Variants in RAB3GAP1 observed in about 807,000 individuals in gnomAD.
The protein encoded by RAB3GAP1 is RAB3 GTPase activating protein catalytic subunit 1, also known as rab3 GTPase-activating protein catalytic subunit.
A neutral mutation model predicts 130.7 loss-of-function variants in RAB3GAP1; 86 were observed. That is an observed-to-expected ratio of 0.66 (90% CI 0.55 to 0.79). The LOEUF is 0.79. Ranked by LOEUF, RAB3GAP1 falls within the 30% of genes least tolerant of loss-of-function variation. RAB3GAP1 has a pLI of 0.00. For synonymous variants in RAB3GAP1, 367 were observed against 401.7 expected (o/e 0.91, Z 1.03); for missense variants, 1,029 against 1,169.4 (o/e 0.88, Z 1.75).
At chr2:135,108,938 C>CT (rs1452873391) in intron 5 of RAB3GAP1, among the ~76,000 whole-genome samples, 1 of 152,142 alleles carries the variant, frequency 6.6e-6, no homozygotes, top group East Asian at 1.9e-4. Context: ...GTTGAAAAGA[C>CT]TATCTCCATT....
intron 3 of RAB3GAP1, among the ~76,000 whole-genome samples, chr2:135,086,002 A>G (rs945590167): frequency 2.0e-5 from 3 of 152,184 alleles, no homozygotes; most frequent in Non-Finnish European, 4.4e-5. Flanking sequence ...CTTTTTATAG[A>G]TAGACTCATA....
At chr2:135,066,533 C>T (rs977972864) in intron 3 of RAB3GAP1, among the ~76,000 whole-genome samples, 11 of 152,128 alleles carry the variant, frequency 7.2e-5, no homozygotes, top group Admixed American at 1.3e-4. Context: ...TTGGTATAAG[C>T]GGGATTAAAC....
Position 135,169,433 on chromosome 2 carries a change from A to G in RAB3GAP1, c.*652A>G, listed in dbSNP as rs1447868025. ...TTACTTCTGATAAAACTATATATCA[A>G]ATGTCACTGCAAATTAGTTTTATAT... is the stretch of plus-strand genomic sequence containing the variant. On this transcript the variant is annotated 3_prime_UTR_variant, in exon 24 of 24. Transcript: ENST00000264158. 7 of 182,012 alleles carry G rather than the reference A, an allele frequency of 3.8e-5. No homozygotes were observed. The highest frequency in any genetic ancestry group is 1.1e-4 in the Admixed American group (2 of 17,600). 11.3% of individuals were successfully genotyped at this position (182,012 alleles called of 1,614,324 possible).
At chr2:135,101,272 T>G (rs1690440875) in intron 5 of RAB3GAP1, among the ~76,000 whole-genome samples, 1 of 152,216 alleles carries the variant, frequency 6.6e-6, no homozygotes, top group Admixed American at 6.5e-5. Context: ...TTGTAATGCT[T>G]CAGAGATACT....
chr2:135,151,573 A>T (rs1302475105), intron 18 of RAB3GAP1, among the ~76,000 whole-genome samples: 2 of 152,198 alleles, frequency 1.3e-5, no homozygotes, highest in African/African-American at 4.8e-5. Context: ...TAAGAGCTAT[A>T]TGTTTTCCTT....
In RAB3GAP1 at chr2:135,129,878, T is replaced by C. The variant is rs183401555; in HGVS notation, c.974-117T>C. ...TTTTTTCAATGGAAAAACTGAATGGTTTTACTTTCTACCATATCTTAGTTA... is the reference window on the plus strand; with the variant it reads ...TTTTTTCAATGGAAAAACTGAATGGCTTTACTTTCTACCATATCTTAGTTA... On this transcript the variant is annotated intron_variant, in intron 11 of 23. Coordinates refer to ENST00000264158, the MANE Select transcript of RAB3GAP1 (RefSeq NM_012233.3). 2.2e-5 allele frequency: 16 copies of C among 724,146 alleles called. No homozygotes were observed. The Middle Eastern group carries it at 1.1e-3, about 52-fold the overall frequency. 44.9% of individuals were successfully genotyped at this position (724,146 alleles called of 1,614,324 possible). A position where few individuals can be genotyped will look rare whatever the true frequency, so the allele number is the denominator to read the frequency against.
At chr2:135,073,299 T>C (rs901132539) in intron 3 of RAB3GAP1, among the ~76,000 whole-genome samples, 8 of 152,226 alleles carry the variant, frequency 5.3e-5, no homozygotes, top group Admixed American at 5.2e-4. Flanking sequence ...AGGAGATTAG[T>C]ACAGAGTAGG....
At chr2:135,080,769 A>G (rs902321595) in intron 3 of RAB3GAP1, among the ~76,000 whole-genome samples, 5 of 152,184 alleles carry the variant, frequency 3.3e-5, no homozygotes, top group Non-Finnish European at 7.3e-5. Flanking sequence ...AAGAAGGACT[A>G]TCTCAAGTTC....
At chr2:135,081,327 A>AATATATATATATAT (rs1214688390) in intron 3 of RAB3GAP1, among the ~76,000 whole-genome samples, 23 of 64,042 alleles carry the variant, frequency 3.6e-4, no homozygotes, top group East Asian at 2.1e-3. Context: ...AAAAAAAAAA[A>AATATATATATATAT]ATATATATAT....
intron 7 of RAB3GAP1, 131 bp from the exon 8 acceptor site, chr2:135,120,688 A>C (rs966516937): frequency 1.3e-6 from 1 of 761,812 alleles, no homozygotes; most frequent in Non-Finnish European, 2.4e-6. Context: ...ATTGTTTAAC[A>C]CTAGAATCTG....
At chr2:135,137,340 T>C (rs1691704924) in intron 17 of RAB3GAP1, 3 of 205,396 alleles carry the variant, frequency 1.5e-5, no homozygotes, top group Non-Finnish European at 3.0e-5. Context: ...ACCAGGCAGA[T>C]CCACCACCTA....
At chr2:135,081,327 A>ATAT (rs1553440432) in intron 3 of RAB3GAP1, among the ~76,000 whole-genome samples, 5 of 64,038 alleles carry the variant, frequency 7.8e-5, no homozygotes, top group Admixed American at 2.8e-4. Flanking sequence ...AAAAAAAAAA[A>ATAT]ATATATATAT....
intron 2 of RAB3GAP1, among the ~76,000 whole-genome samples, chr2:135,053,881 T>C (rs1201554487): frequency 6.6e-6 from 1 of 152,166 alleles, no homozygotes; most frequent in Admixed American, 6.5e-5. Context: ...GTTGGAGATA[T>C]TTTCATAGAA....
At chr2:135,085,859 C>T (rs148818241) in intron 3 of RAB3GAP1, among the ~76,000 whole-genome samples, 14 of 151,914 alleles carry the variant, frequency 9.2e-5, no homozygotes, top group African/African-American at 3.4e-4. Flanking sequence ...ATGTATATAC[C>T]CATGTTACCA....
intron 24 of RAB3GAP1, chr2:135,175,719 C>A (rs979757285): frequency 6.6e-6 from 1 of 152,148 alleles, no homozygotes; most frequent in Non-Finnish European, 1.5e-5. Flanking sequence ...CTTCTCAGGA[C>A]AGAACTTGGC....
At chr2:135,149,904 G>A (rs147267268) in intron 17 of RAB3GAP1, among the ~76,000 whole-genome samples, 3 of 152,230 alleles carry the variant, frequency 2.0e-5, no homozygotes, top group East Asian at 3.9e-4. Context: ...TGATCCACCC[G>A]CCTTGGCTTC....
At chr2:135,128,358 G>A (rs1691417176) in intron 11 of RAB3GAP1, among the ~76,000 whole-genome samples, 2 of 152,148 alleles carry the variant, frequency 1.3e-5, no homozygotes, top group African/African-American at 4.8e-5. Flanking sequence ...ATAAAATAGA[G>A]ATAACACTAG....
intron 19 of RAB3GAP1, 129 bp downstream of exon 19, chr2:135,154,005 T>C: frequency 1.2e-6 from 1 of 845,980 alleles, no homozygotes; most frequent in South Asian, 1.5e-5. Context: ...AATGAGCGTT[T>C]TATATATCTA....
chr2:135,057,970 G>T (rs769877500), intron 2 of RAB3GAP1, 41 bp from the exon 3 acceptor site: 1 of 1,337,046 alleles, frequency 7.5e-7, no homozygotes, highest in Non-Finnish European at 1.1e-6. Flanking sequence ...TAGGAAAAAA[G>T]GTGTGCTGTT....
Sources: allele counts gnomAD v4.1 joint callset (sites outside exome capture counted in the v4.1 genomes callset), GRCh38; gene constraint gnomAD v4.1.1; transcripts MANE v1.5; gene names NCBI Gene and HGNC (gene_info 2026-07-23, HGNC 2026-07-21).